AP3B1: variants seen among roughly 807,000 people sequenced by gnomAD.
AP3B1 encodes the protein AP-3 complex subunit beta-1.
In AP3B1, 61 loss-of-function variants were observed where a neutral mutation model predicts 132.5. That is an observed-to-expected ratio of 0.46 (90% CI 0.37 to 0.57). The LOEUF is 0.57. Ranked by LOEUF, AP3B1 falls within the 20% of genes least tolerant of loss-of-function variation. AP3B1 has a pLI of 0.00. For synonymous variants in AP3B1, 388 were observed against 438.3 expected, an observed-to-expected ratio of 0.89 and a Z score of 1.43; for missense variants, 1,120 against 1,289.4, an observed-to-expected ratio of 0.87 and a Z score of 2.01.
rs192832291 is a variant in AP3B1, at chr5:78,031,563, A to C, written c.2894+2798T>G. Among the ~76,000 whole-genome samples the C allele has an allele frequency of 8.5e-5, 13 of 152,258 alleles. No homozygotes were observed. The East Asian group carries it at 2.5e-3, about 29-fold the overall frequency. ...AGTTTTATTCTTAAGTCTCAAATTA[A>C]ATGTGTATGTTGCCTGCTGTCAGGG... is the stretch of plus-strand genomic sequence containing the variant. On this transcript the variant is annotated intron_variant, in intron 24 of 26. Transcript: ENST00000255194.
intron 2 of AP3B1, among the ~76,000 whole-genome samples, chr5:78,259,677 C>T (rs1392325428): frequency 6.6e-6 from 1 of 151,992 alleles, no homozygotes; most frequent in Non-Finnish European, 1.5e-5. Context: ...ATTAAAAATA[C>T]ATATATATGG....
chr5:78,287,424 T>A (rs1043520194), intron 1 of AP3B1, among the ~76,000 whole-genome samples: 7 of 152,156 alleles, frequency 4.6e-5, no homozygotes, highest in African/African-American at 1.7e-4. Flanking sequence ...AAAGTAAGAC[T>A]CTGTTTACAG....
At chr5:78,206,795 A>C (rs1335406218) in intron 7 of AP3B1, among the ~76,000 whole-genome samples, 1 of 152,202 alleles carries the variant, frequency 6.6e-6, no homozygotes, top group Non-Finnish European at 1.5e-5. Context: ...ACTGACAATG[A>C]AACAACTTGA....
intron 17 of AP3B1, among the ~76,000 whole-genome samples, chr5:78,122,896 C>G (rs1412786428): frequency 6.6e-6 from 1 of 152,224 alleles, no homozygotes; most frequent in African/African-American, 2.4e-5. Context: ...CAAGTCAATC[C>G]TAAGCCAAAA....
At chr5:78,162,994 G>A in intron 12 of AP3B1, 43 bp from the exon 13 acceptor site, 1 of 1,586,512 alleles carries the variant, frequency 6.3e-7, no homozygotes, top group South Asian at 1.1e-5. Context: ...TGGTATTATT[G>A]AGTTAACCAA....
At chr5:78,086,252 AAC>A (rs1010506066) in intron 22 of AP3B1, among the ~76,000 whole-genome samples, 96 of 152,330 alleles carry the variant, frequency 6.3e-4, no homozygotes, top group African/African-American at 2.3e-3. Context: ...GTAAGAAGAA[AAC>A]ACAGTTTTCT....
At chr5:78,094,045 G>T (rs1372040814) in intron 21 of AP3B1, among the ~76,000 whole-genome samples, 2 of 152,132 alleles carry the variant, frequency 1.3e-5, no homozygotes, top group African/African-American at 4.8e-5. Flanking sequence ...ATTATTGTTG[G>T]CTGACAGAGA....
intron 17 of AP3B1, among the ~76,000 whole-genome samples, chr5:78,118,733 C>A (rs1425040004): frequency 9.2e-5 from 14 of 152,226 alleles, no homozygotes; most frequent in African/African-American, 3.4e-4. Context: ...CCTCTGTAGG[C>A]TCCACCTCTG....
intron 1 of AP3B1, among the ~76,000 whole-genome samples, chr5:78,270,642 C>T (rs144485505): frequency 1.3e-5 from 2 of 152,276 alleles, no homozygotes; most frequent in East Asian, 1.9e-4. Flanking sequence ...GCAGAAAAAA[C>T]GCTGGAAACA....
intron 1 of AP3B1, among the ~76,000 whole-genome samples, chr5:78,285,063 C>T (rs998562142): frequency 3.9e-5 from 6 of 152,022 alleles, no homozygotes; most frequent in East Asian, 1.9e-4. Context: ...CCGGCTAACA[C>T]GGTGAAACCC....
intron 2 of AP3B1, among the ~76,000 whole-genome samples, chr5:78,258,632 G>C (rs1308504609): frequency 6.6e-6 from 1 of 152,174 alleles, no homozygotes; most frequent in Non-Finnish European, 1.5e-5. Flanking sequence ...ACAGTTTAGA[G>C]GTTCCTCAAA....
chr5:78,096,676 G>A (rs185427643), intron 21 of AP3B1, among the ~76,000 whole-genome samples: 26,476 of 149,262 alleles, frequency 0.18, 2,831 homozygotes, highest in Admixed American at 0.28. Flanking sequence ...CCGTCTGGGA[G>A]GTGAGGAGCG....
chr5:78,272,616 A>G (rs1748594034), intron 1 of AP3B1, among the ~76,000 whole-genome samples: 1 of 152,192 alleles, frequency 6.6e-6, no homozygotes, highest in Non-Finnish European at 1.5e-5. Context: ...TAAATAAGAC[A>G]TTTTTAAGTC....
intron 14 of AP3B1, among the ~76,000 whole-genome samples, chr5:78,144,805 C>T (rs1311333381): frequency 1.3e-5 from 2 of 151,944 alleles, no homozygotes; most frequent in Non-Finnish European, 2.9e-5. Context: ...CCTGTCAGAG[C>T]AATCCACAGG....
chr5:78,121,058 T>C (rs1317374017), intron 17 of AP3B1, among the ~76,000 whole-genome samples: 1 of 152,132 alleles, frequency 6.6e-6, no homozygotes, highest in Non-Finnish European at 1.5e-5. Context: ...ACCGCTCAAC[T>C]GCATGGAAAC....
At chr5:78,172,044 T>C (rs1034195791) in intron 11 of AP3B1, among the ~76,000 whole-genome samples, 5 of 152,262 alleles carry the variant, frequency 3.3e-5, no homozygotes, top group Admixed American at 6.5e-5. Flanking sequence ...ATTACATTTA[T>C]TGATTTGCAT....
At chr5:78,122,827 A>G (rs1284158676) in intron 17 of AP3B1, among the ~76,000 whole-genome samples, 1 of 152,248 alleles carries the variant, frequency 6.6e-6, no homozygotes, top group African/African-American at 2.4e-5. Context: ...GACTTTCTTC[A>G]CAGAATTGGA....
intron 6 of AP3B1, among the ~76,000 whole-genome samples, chr5:78,224,811 C>T (rs1178758585): frequency 4.6e-5 from 7 of 151,948 alleles, no homozygotes; most frequent in African/African-American, 1.4e-4. Context: ...TATAAACATA[C>T]ATGCACCAAA....
At chr5:78,116,975 C>T (rs927170576) in intron 17 of AP3B1, among the ~76,000 whole-genome samples, 4 of 152,118 alleles carry the variant, frequency 2.6e-5, no homozygotes, top group Non-Finnish European at 2.9e-5. Flanking sequence ...ACAGTCTGCA[C>T]AGCCCAATAC....
Sources: gnomAD v4.1 joint callset for allele counts (sites outside exome capture counted in the v4.1 genomes callset) on GRCh38, gnomAD v4.1.1 for gene constraint, MANE v1.5 for transcripts, NCBI Gene and HGNC (gene_info 2026-07-23, HGNC 2026-07-21) for gene names.